The following ANKRD42 variants were observed in gnomAD, a reference collection of about 807,000 sequenced individuals.
The protein encoded by ANKRD42 is ankyrin repeat domain-containing protein 42.
A neutral mutation model predicts 51.5 loss-of-function variants in ANKRD42; 43 were observed. That is an observed-to-expected ratio of 0.83 (90% CI 0.65 to 1.08). The LOEUF is 1.08. Ranked by LOEUF, ANKRD42 falls within the 50% of genes least tolerant of loss-of-function variation. ANKRD42 has a pLI of 0.00. For missense variants in ANKRD42, 608 were observed against 629.3 expected (o/e 0.97, Z 0.36); for synonymous variants, 203 against 213.0 (o/e 0.95, Z 0.41).
At chr11:83,254,842 G>A (rs12292052) in intron 11 of ANKRD42, among the ~76,000 whole-genome samples, 3,274 of 152,228 alleles carry the variant, frequency 0.022, 101 homozygotes, top group African/African-American at 0.074. Flanking sequence ...CAGACTAGCC[G>A]CTAAACTTTT....
At chr11:83,226,230 C>T (rs1590991506) in intron 6 of ANKRD42, among the ~76,000 whole-genome samples, 1 of 152,000 alleles carries the variant, frequency 6.6e-6, no homozygotes, top group Admixed American at 6.6e-5. Context: ...CACACACATA[C>T]ACACACACAT....
At position 83,193,941 on chromosome 11, in the gene ANKRD42, GGAAA is replaced by G. The variant is rs1371069142; in HGVS notation, c.-725_-722del. The G allele has an allele frequency of 2.0e-5, 9 of 455,948 alleles. No homozygotes were observed. In the East Asian group the frequency reaches 6.3e-4, roughly 32 times the overall value. The allele number at this position is 455,948 out of a possible 1,614,324, so 28.2% of individuals were successfully genotyped here. A position where few individuals can be genotyped will look rare whatever the true frequency, so the allele number is the denominator to read the frequency against. ...CTAGGGAAAGAGTTAGCGACGACGG[GGAAA>G]GAAAATGTGAAGAGAGCGACCGCCG... On this transcript the variant is annotated 5_prime_UTR_variant, in exon 1 of 11. Transcript: ENST00000533342.
chr11:83,261,640 A>G, downstream of ANKRD42: 1 of 253,838 alleles, frequency 3.9e-6, no homozygotes. Flanking sequence ...TTCAATTTCT[A>G]TTAACTATCA....
At chr11:83,211,103 G>A (rs1480392063) in intron 4 of ANKRD42, among the ~76,000 whole-genome samples, 192 bp from the exon 5 acceptor site, 1 of 152,104 alleles carries the variant, frequency 6.6e-6, no homozygotes, top group African/African-American at 2.4e-5. Flanking sequence ...TCGTTCTTTT[G>A]AAAAGCCTGT....
At chr11:83,222,908 T>C (rs1329757492) in intron 5 of ANKRD42, among the ~76,000 whole-genome samples, 3 of 152,102 alleles carry the variant, frequency 2.0e-5, no homozygotes, top group African/African-American at 7.2e-5. Flanking sequence ...CCCAGCTTTA[T>C]TGGAGTGTTT....
At chr11:83,253,249 A>C (rs1160034644), downstream of ANKRD42, among the ~76,000 whole-genome samples, 4 of 152,164 alleles carry the variant, frequency 2.6e-5, no homozygotes, top group Admixed American at 1.3e-4. Context: ...AAGTTCTAAA[A>C]GTTTGTGATT....
At chr11:83,206,930 T>C (rs1213278821) in intron 3 of ANKRD42, among the ~76,000 whole-genome samples, 1 of 152,116 alleles carries the variant, frequency 6.6e-6, no homozygotes, top group Non-Finnish European at 1.5e-5. Context: ...TTTGGAGGAG[T>C]ACAGAGTCAT....
rs1010484641 is a variant in ANKRD42, at chr11:83,217,542, T to A, written c.586+6112T>A. Among the ~76,000 whole-genome samples, 28 of 152,212 alleles carry A rather than the reference T, an allele frequency of 1.8e-4. 1 individual carries two copies. The highest frequency in any genetic ancestry group is 7.4e-5 in the Non-Finnish European group (5 of 68,026). The stretch of plus-strand genomic sequence containing the variant: ...ATTGAAACTGTGAAGGCTGTGCCAG[T>A]GTCCAGGAGGAAGTCCACTTCCTGG... On this transcript the variant is annotated intron_variant, in intron 5 of 10. Transcript: ENST00000533342.
chr11:83,224,803 A>C (rs1290271598), intron 5 of ANKRD42, 52 bp from the exon 6 acceptor site: 7 of 1,397,812 alleles, frequency 5.0e-6, no homozygotes, highest in Non-Finnish European at 6.7e-6. Context: ...ACATACATAC[A>C]TAAAAATTTT....
chr11:83,195,982 G>A (rs750871529), intron 1 of ANKRD42, among the ~76,000 whole-genome samples: 1 of 151,900 alleles, frequency 6.6e-6, no homozygotes, highest in Non-Finnish European at 1.5e-5. Context: ...AGTAGCTAGG[G>A]CAACAGGGGC....
At chr11:83,205,964 A>G (rs1253883190) in intron 2 of ANKRD42, 94 bp from the exon 3 acceptor site, 2 of 1,002,988 alleles carry the variant, frequency 2.0e-6, no homozygotes, top group Middle Eastern at 2.1e-4. Context: ...CTCATTCACT[A>G]CAGTCTGCTA....
At chr11:83,194,754 ATCTCTGTCGTAT>A (rs1861565740) in intron 1 of ANKRD42, 26 bp downstream of exon 1, 3 of 1,551,450 alleles carry the variant, frequency 1.9e-6, no homozygotes, top group Admixed American at 2.0e-5. Context: ...ATTGGCCTTC[ATCTCTGTCGTAT>A]TCCTTTTCTC....
rs1166029949 is a variant in ANKRD42, at chr11:83,193,734, C to T, written c.-937C>T. ...TGTACTCGTTTCCAAGGCGACGGCC[C>T]TGCTGCCTCTCCAGCCAAGTGGCTG... On this transcript the variant is annotated 5_prime_UTR_variant, in exon 1 of 11. Coordinates refer to ENST00000533342, the MANE Select transcript of ANKRD42 (RefSeq NM_001300975.2). 1.4e-5 allele frequency: 6 copies of T among 415,132 alleles called. No individual in the cohort carries two copies. Among genetic ancestry groups the T allele is most frequent in the East Asian group, 7.1e-5 (1 of 14,012 alleles). 25.7% of individuals were successfully genotyped at this position (415,132 alleles called of 1,614,324 possible). A position where few individuals can be genotyped will look rare whatever the true frequency, so the allele number is the denominator to read the frequency against.
intron 2 of ANKRD42, among the ~76,000 whole-genome samples, chr11:83,201,270 T>A (rs941556154): frequency 1.4e-4 from 21 of 152,200 alleles, no homozygotes; most frequent in Admixed American, 1.0e-3. Flanking sequence ...TGTTCCTGTG[T>A]TAGTTTGCTA....
chr11:83,236,847 A>T (rs977184874), intron 8 of ANKRD42, among the ~76,000 whole-genome samples: 4 of 152,256 alleles, frequency 2.6e-5, no homozygotes, highest in Non-Finnish European at 5.9e-5. Context: ...ACAGTAATTC[A>T]TGATTTGTCC....
chr11:83,216,156 T>C (rs1038210415), intron 5 of ANKRD42, among the ~76,000 whole-genome samples: 8 of 152,300 alleles, frequency 5.3e-5, no homozygotes, highest in South Asian at 2.1e-4. Flanking sequence ...ATTATTGTTG[T>C]TAGATTTGTC....
At chr11:83,243,517 A>G (rs541344630) in intron 9 of ANKRD42, among the ~76,000 whole-genome samples, 1 of 152,306 alleles carries the variant, frequency 6.6e-6, no homozygotes, top group South Asian at 2.1e-4. Context: ...AAATTATTAT[A>G]TAAGCTAAAT....
chr11:83,250,099 T>C (rs760543095), downstream of ANKRD42, among the ~76,000 whole-genome samples: 32 of 152,186 alleles, frequency 2.1e-4, no homozygotes, highest in Admixed American at 2.0e-4. Context: ...TCTAATTATA[T>C]GTAATGTATA....
At chr11:83,255,152 C>A (rs987345521) in intron 11 of ANKRD42, among the ~76,000 whole-genome samples, 6 of 152,188 alleles carry the variant, frequency 3.9e-5, no homozygotes, top group African/African-American at 1.4e-4. Context: ...CCTCTGTGTT[C>A]GGAGCTGGCT....
Sources: allele counts gnomAD v4.1 joint callset (sites outside exome capture counted in the v4.1 genomes callset), GRCh38; gene constraint gnomAD v4.1.1; transcripts MANE v1.5; gene names NCBI Gene and HGNC (gene_info 2026-07-23, HGNC 2026-07-21).